Variants in SIAH3 observed in about 807,000 individuals in gnomAD.
SIAH3 encodes the protein siah E3 ubiquitin protein ligase family member 3.
A neutral mutation model predicts 12.6 loss-of-function variants in SIAH3; 9 were observed. The observed-to-expected ratio is 0.72, with a 90% CI of 0.43 to 1.25. The LOEUF is 1.25. SIAH3 is among the 50% of genes most tolerant of loss of function. The pLI is 0.00. For synonymous variants in SIAH3, 154 were observed against 151.1 expected, an observed-to-expected ratio of 1.02 and a Z score of -0.14; for missense variants, 390 against 365.4, an observed-to-expected ratio of 1.07 and a Z score of -0.55.
At chr13:45,789,658 C>A (rs1235933375) in intron 1 of SIAH3, among the ~76,000 whole-genome samples, 1 of 152,138 alleles carries the variant, frequency 6.6e-6, no homozygotes, top group Non-Finnish European at 1.5e-5. Flanking sequence ...CTGCCTGCCT[C>A]AACTTCACAA....
Position 45,779,837 on chromosome 13 carries a change from A to G in SIAH3, c.*3546T>C, listed in dbSNP as rs1271746786. Reference sequence around the variant, plus strand: ...GTAGCCACAGCTAGTGATGGGGTTTACCAGGTACAGATTCATGCAGATACC... The same window carrying G: ...GTAGCCACAGCTAGTGATGGGGTTTGCCAGGTACAGATTCATGCAGATACC... On this transcript the variant is annotated 3_prime_UTR_variant, in exon 2 of 2. Coordinates refer to ENST00000400405, the MANE Select transcript of SIAH3 (RefSeq NM_198849.3). The G allele has an allele frequency of 1.3e-5, 2 of 152,212 alleles. No homozygotes were observed. Among genetic ancestry groups the G allele is most frequent in the Admixed American group, 6.5e-5 (1 of 15,282 alleles). 9.4% of individuals were successfully genotyped at this position (152,212 alleles called of 1,614,324 possible).
chr13:45,817,660 G>A (rs182824034), intron 1 of SIAH3, among the ~76,000 whole-genome samples: 100 of 152,188 alleles, frequency 6.6e-4, no homozygotes, highest in Middle Eastern at 3.4e-3. Flanking sequence ...TGCTGGCCTC[G>A]AAGACTGGAG....
At chr13:45,822,520 A>AATATATATATATAT (rs36106322) in intron 1 of SIAH3, among the ~76,000 whole-genome samples, 2,754 of 84,996 alleles carry the variant, frequency 0.032, 174 homozygotes, top group Non-Finnish European at 0.034. Context: ...TTCATTATCA[A>AATATATATATATAT]ATATATATAT....
chr13:45,791,222 G>T (rs1950544757), intron 1 of SIAH3, among the ~76,000 whole-genome samples: 2 of 152,056 alleles, frequency 1.3e-5, no homozygotes, highest in Admixed American at 6.6e-5. Context: ...TCCTCAACTA[G>T]GTTGGAAGTC....
At chr13:45,794,963 T>TC (rs1950557691) in intron 1 of SIAH3, among the ~76,000 whole-genome samples, 1 of 151,988 alleles carries the variant, frequency 6.6e-6, no homozygotes, top group African/African-American at 2.4e-5. Flanking sequence ...TTTTTTTTTT[T>TC]TTAAATCTTG....
intron 1 of SIAH3, among the ~76,000 whole-genome samples, chr13:45,815,479 T>C (rs191091859): frequency 3.9e-5 from 6 of 152,328 alleles, no homozygotes; most frequent in Middle Eastern, 3.4e-3. Context: ...ACTTTGAACT[T>C]ACCAGGATCG....
At chr13:45,826,268 C>A (rs1220774586) in intron 1 of SIAH3, among the ~76,000 whole-genome samples, 1 of 152,052 alleles carries the variant, frequency 6.6e-6, no homozygotes. Context: ...TTCACTAATA[C>A]ATCTTCAAAG....
chr13:45,810,426 G>T (rs1593380681), intron 1 of SIAH3, among the ~76,000 whole-genome samples: 1 of 152,214 alleles, frequency 6.6e-6, no homozygotes, highest in Admixed American at 6.5e-5. Context: ...TTAAAATCCA[G>T]GAGGTATTTT....
rs1364150893 is a variant in SIAH3, at chr13:45,778,138, CG to C, written c.*5244del. On this transcript the variant is annotated 3_prime_UTR_variant, in exon 2 of 2. Coordinates refer to ENST00000400405, the MANE Select transcript of SIAH3 (RefSeq NM_198849.3). ...TTCTGTCCCTCAGCTTCATGCTTTA[CG>C]GGGGTCCCACTTTTGTGATAATGCA... The C allele has an allele frequency of 1.3e-5, 2 of 152,150 alleles. No individual in the cohort carries two copies. The highest frequency in any genetic ancestry group is 2.9e-5 in the Non-Finnish European group (2 of 68,018). The allele number at this position is 152,150 out of a possible 1,614,324, so 9.4% of individuals were successfully genotyped here.
chr13:45,822,251 T>G (rs1268031223), intron 1 of SIAH3, among the ~76,000 whole-genome samples: 2 of 152,236 alleles, frequency 1.3e-5, no homozygotes, highest in East Asian at 3.9e-4. Context: ...AAAATTGCTG[T>G]CTTTCTAGAA....
intron 1 of SIAH3, among the ~76,000 whole-genome samples, chr13:45,811,658 G>C (rs536059259): frequency 6.6e-6 from 1 of 152,152 alleles, no homozygotes; most frequent in South Asian, 2.1e-4. Context: ...CACTTCTAAT[G>C]AAACTCACAG....
chr13:45,792,726 T>C (rs1950550164), intron 1 of SIAH3, among the ~76,000 whole-genome samples: 1 of 152,204 alleles, frequency 6.6e-6, no homozygotes, highest in Non-Finnish European at 1.5e-5. Context: ...GTTTTTTTCT[T>C]TTTGAGCATT....
At chr13:45,813,280 A>G (rs1950622429) in intron 1 of SIAH3, among the ~76,000 whole-genome samples, 1 of 152,222 alleles carries the variant, frequency 6.6e-6, no homozygotes, top group African/African-American at 2.4e-5. Flanking sequence ...CAGCTCTTTC[A>G]GTCTGTGATG....
chr13:45,834,398 G>A (rs745970438), intron 1 of SIAH3, among the ~76,000 whole-genome samples: 41 of 152,272 alleles, frequency 2.7e-4, no homozygotes, highest in Middle Eastern at 6.8e-3. Context: ...TGGGCTCCCT[G>A]GGACTTTCTC....
chr13:45,789,796 T>C (rs1028838007), intron 1 of SIAH3, among the ~76,000 whole-genome samples: 10 of 152,196 alleles, frequency 6.6e-5, no homozygotes, highest in Admixed American at 5.2e-4. Context: ...AACACTGTAT[T>C]GGAAAAGTCC....
chr13:45,841,286 A>G (rs1950739224), intron 1 of SIAH3, among the ~76,000 whole-genome samples: 1 of 152,278 alleles, frequency 6.6e-6, no homozygotes, highest in East Asian at 1.9e-4. Context: ...AGTCTCTTGT[A>G]AAATCTGTGT....
chr13:45,793,511 C>G (rs1002529286), intron 1 of SIAH3, among the ~76,000 whole-genome samples: 3 of 152,184 alleles, frequency 2.0e-5, no homozygotes, highest in Admixed American at 2.0e-4. Context: ...TCTAGTCTTC[C>G]TGCTAGACCA....
intron 1 of SIAH3, among the ~76,000 whole-genome samples, chr13:45,839,624 A>C (rs1394985027): frequency 1.3e-5 from 2 of 151,490 alleles, no homozygotes; most frequent in Admixed American, 1.3e-4. Context: ...CAAGGTCAGG[A>C]GATCAAGACC....
intron 1 of SIAH3, among the ~76,000 whole-genome samples, chr13:45,802,144 A>G (rs1419043388): frequency 1.3e-5 from 2 of 152,036 alleles, no homozygotes; most frequent in African/African-American, 2.4e-5. Context: ...CATCTCTACT[A>G]AAAATACAAA....
Sources: allele counts gnomAD v4.1 joint callset (sites outside exome capture counted in the v4.1 genomes callset), GRCh38; gene constraint gnomAD v4.1.1; transcripts MANE v1.5; gene names NCBI Gene and HGNC (gene_info 2026-07-23, HGNC 2026-07-21).